CAST: variants seen among roughly 807,000 people sequenced by gnomAD.
CAST encodes the protein calpastatin.
Under a neutral mutation model 119.6 loss-of-function variants are expected in CAST, and 76 were observed. The observed-to-expected ratio is 0.64, with a 90% CI of 0.53 to 0.77. The LOEUF (loss-of-function observed/expected upper bound fraction) is 0.77. Ranked by LOEUF, CAST falls within the 30% of genes least tolerant of loss-of-function variation. The probability of loss-of-function intolerance (pLI) is 0.00; values close to 1 mark genes in which losing one functional copy is unlikely to be tolerated. For missense variants in CAST, 953 were observed against 946.5 expected (o/e 1.01, Z -0.09); for synonymous variants, 319 against 331.6 (o/e 0.96, Z 0.41).
chr5:96,114,130 A>G, the CAST span, among the ~76,000 whole-genome samples: 2 of 152,226 alleles, frequency 1.3e-5, no homozygotes, highest in Non-Finnish European at 2.9e-5. Flanking sequence ...TTAGGCAGTA[A>G]GTAAATAGAA....
chr5:96,614,309 G>A (rs1490202300), intron 1 of CAST, among the ~76,000 whole-genome samples: 1 of 152,194 alleles, frequency 6.6e-6, no homozygotes, highest in Admixed American at 6.5e-5. Flanking sequence ...AAGTGAATCA[G>A]AATCAGGGCC....
chr5:96,217,215 T>TTTTTTTTTTTC, the CAST span, among the ~76,000 whole-genome samples: 2,736 of 146,326 alleles, frequency 0.019, 71 homozygotes, highest in African/African-American at 0.067. Context: ...TTTTTTTTTT[T>TTTTTTTTTTTC]TTTTTTATAG....
chr5:96,439,257 C>A, the CAST span, among the ~76,000 whole-genome samples: 1,768 of 152,140 alleles, frequency 0.012, 19 homozygotes, highest in Non-Finnish European at 0.018. Flanking sequence ...CACTAAAACC[C>A]CTCAAAAACT....
intron 27 of CAST, among the ~76,000 whole-genome samples, chr5:96,766,827 C>G (rs535333784): frequency 6.6e-6 from 1 of 152,022 alleles, no homozygotes; most frequent in Admixed American, 6.6e-5. Context: ...AAATTACACC[C>G]TTCTCTTTCT....
chr5:96,349,581 T>G, the CAST span, among the ~76,000 whole-genome samples: 6 of 152,180 alleles, frequency 3.9e-5, no homozygotes, highest in African/African-American at 1.4e-4. Flanking sequence ...ATAGATAAAT[T>G]TGTATCTTTC....
chr5:96,754,116 G>C lies in CAST; in HGVS notation c.1581G>C (p.Lys527Asn). ...CCTTGGCTGATAGCCTGGGGAAAAA[G>C]GAAGCAGATCCAGAAGATGGAAAAC... ...VEALADSLGK[K>N]EADPEDGKPV... is the part of the protein sequence containing the mutation. Residue 527 changes from lysine (K) to asparagine (N), a missense_variant, in exon 21 of 32, where the codon AAG (lysine) becomes AAC (asparagine). By Grantham distance (94) the Lys-to-Asn change is moderately conservative. Transcript: ENST00000675179. The C allele has an allele frequency of 6.2e-7, 1 of 1,613,910 alleles. No individual in the cohort carries two copies. The highest frequency in any genetic ancestry group is 1.3e-5 in the African/African-American group (1 of 75,036).
chr5:96,399,008 T>A, the CAST span: 1 of 1,612,554 alleles, frequency 6.2e-7, no homozygotes, highest in African/African-American at 1.3e-5. Flanking sequence ...GGAATTTCAA[T>A]GATAACTTCT....
At chr5:96,231,439 T>C in the CAST span, among the ~76,000 whole-genome samples, 1 of 152,220 alleles carries the variant, frequency 6.6e-6, no homozygotes, top group South Asian at 2.1e-4. Context: ...AGCAAATCTA[T>C]AGAGGCAGAA....
At chr5:96,229,788 G>A in the CAST span, among the ~76,000 whole-genome samples, 1 of 152,010 alleles carries the variant, frequency 6.6e-6, no homozygotes, top group African/African-American at 2.4e-5. Context: ...ATGTGAAGAG[G>A]AAAACTGAAA....
the CAST span, among the ~76,000 whole-genome samples, chr5:96,322,543 G>T: frequency 8.3e-4 from 127 of 152,180 alleles, no homozygotes; most frequent in Non-Finnish European, 1.7e-3. Context: ...CTGGTGCCTA[G>T]GTGCTTGTGG....
intron 1 of CAST, among the ~76,000 whole-genome samples, chr5:96,535,794 C>G (rs1056724756): frequency 2.0e-5 from 3 of 150,512 alleles, no homozygotes; most frequent in African/African-American, 2.4e-5. Flanking sequence ...AGGTTGGTCT[C>G]GATCTCCTGA....
the CAST span, among the ~76,000 whole-genome samples, chr5:96,226,058 C>T: frequency 4.6e-5 from 7 of 152,170 alleles, no homozygotes; most frequent in African/African-American, 9.7e-5. Context: ...AATATGTCCC[C>T]ACCTTGCACT....
chr5:96,346,492 C>G, the CAST span, among the ~76,000 whole-genome samples: 2 of 152,138 alleles, frequency 1.3e-5, no homozygotes, highest in Middle Eastern at 6.3e-3. Context: ...TCCCAAATAA[C>G]AAGTGAGTCA....
the CAST span, among the ~76,000 whole-genome samples, chr5:96,160,007 G>A: frequency 2.9e-4 from 44 of 151,850 alleles, no homozygotes; most frequent in African/African-American, 1.1e-3. Flanking sequence ...GGGCATGGTG[G>A]CATGCACCTG....
the CAST span, among the ~76,000 whole-genome samples, chr5:96,286,103 G>A: frequency 1.3e-5 from 2 of 152,224 alleles, no homozygotes; most frequent in African/African-American, 4.8e-5. Flanking sequence ...TGGAAAGACA[G>A]CTAAGATATA....
At chr5:96,673,229 G>A (rs1750326920) in intron 1 of CAST, among the ~76,000 whole-genome samples, 1 of 152,226 alleles carries the variant, frequency 6.6e-6, no homozygotes, top group African/African-American at 2.4e-5. Flanking sequence ...ACCAGTTCTG[G>A]AAGGAGACAG....
rs767458534 is a variant in CAST at position 96,748,508 on chromosome 5, T to C, written c.1333-10T>C. 1.3e-5 allele frequency: 18 copies of C among 1,427,876 alleles called. No homozygotes were observed. The highest frequency in any genetic ancestry group is 1.6e-5 in the Non-Finnish European group (16 of 1,018,878). 88.5% of individuals were successfully genotyped at this position (1,427,876 alleles called of 1,614,324 possible). A position where few individuals can be genotyped will look rare whatever the true frequency, so the allele number is the denominator to read the frequency against. On this transcript the variant is annotated splice_polypyrimidine_tract_variant and intron_variant, in intron 18 of 31. Coordinates refer to ENST00000675179, the MANE Select transcript of CAST (RefSeq NM_001750.7). ...TCCCCTTGTAATATACAGCACTTCT[T>C]ATATTACAGCCTCGGAGTGAATCAG...
At chr5:95,982,463 A>C in the CAST span, among the ~76,000 whole-genome samples, 1 of 152,202 alleles carries the variant, frequency 6.6e-6, no homozygotes, top group African/African-American at 2.4e-5. Context: ...CCAAGGATGT[A>C]TACAAACCTA....
chr5:96,655,733 G>A (rs1310121162), intron 1 of CAST, among the ~76,000 whole-genome samples: 1 of 152,236 alleles, frequency 6.6e-6, no homozygotes. Flanking sequence ...GACATTTAGT[G>A]AGTCATCATC....
Sources: gnomAD v4.1 joint callset for allele counts (sites outside exome capture counted in the v4.1 genomes callset) on GRCh38, gnomAD v4.1.1 for gene constraint, MANE v1.5 for transcripts, NCBI Gene and HGNC (gene_info 2026-07-23, HGNC 2026-07-21) for gene names.